The following IFT88 variants were observed in gnomAD, a reference collection of about 807,000 sequenced individuals.
IFT88 encodes intraflagellar transport 88, also known as intraflagellar transport protein 88 homolog.
In IFT88, 74 loss-of-function variants were observed where a neutral mutation model predicts 119.5. That is an observed-to-expected ratio of 0.62 (90% confidence interval 0.51 to 0.75). The LOEUF (loss-of-function observed/expected upper bound fraction) is 0.75, where lower values mean the gene tolerates loss of function less well. Ranked by LOEUF, IFT88 falls within the 30% of genes least tolerant of loss-of-function variation. IFT88 has a pLI of 0.00. For synonymous variants in IFT88, 279 were observed against 316.7 expected (o/e 0.88, Z 1.26); for missense variants, 961 against 977.7 (o/e 0.98, Z 0.23).
intron 2 of IFT88, among the ~76,000 whole-genome samples, chr13:20,578,034 C>CTTTT (rs57202566): frequency 2.1e-4 from 12 of 55,872 alleles, no homozygotes; most frequent in African/African-American, 2.6e-4. Context: ...CTTGTTACTT[C>CTTTT]TTTTTTTTTT....
intron 14 of IFT88, among the ~76,000 whole-genome samples, chr13:20,621,143 G>A (rs532067209): frequency 6.6e-6 from 1 of 152,118 alleles, no homozygotes; most frequent in Non-Finnish European, 1.5e-5. Context: ...TCTGCTCACC[G>A]CAACCTCCAC....
chr13:20,592,394 A>G lies in IFT88; in HGVS notation c.388A>G (p.Lys130Glu), dbSNP rs767205880. Residue 130 changes from lysine to glutamate, a missense_variant, in exon 7 of 26, where the codon AAA becomes GAA. Lys to Glu is a moderately conservative substitution (Grantham distance 56, BLOSUM62 1). Coordinates refer to ENST00000351808, the MANE Select transcript of IFT88 (RefSeq NM_006531.5). ...RGPASPLEAK[K>E]KDSPEEKIKQ... ...CCCTGCTTCCCCTTTGGAAGCCAAGAAAAAAGATAGGTATGTAAGTCCTTA... is the reference window on the plus strand; with the variant it reads ...CCCTGCTTCCCCTTTGGAAGCCAAGGAAAAAGATAGGTATGTAAGTCCTTA... The G allele has an allele frequency of 6.2e-7, 1 of 1,609,228 alleles. No individual in the cohort carries two copies. Among genetic ancestry groups the G allele is most frequent in the South Asian group, 1.1e-5 (1 of 90,390 alleles).
chr13:20,665,939 G>A (rs1270631729), intron 23 of IFT88, among the ~76,000 whole-genome samples: 1 of 152,224 alleles, frequency 6.6e-6, no homozygotes, highest in African/African-American at 2.4e-5. Context: ...CTGAGGACAG[G>A]AAGTTAAGGC....
chr13:20,569,943 G>A (rs1176336844), intron 1 of IFT88, among the ~76,000 whole-genome samples: 1 of 151,930 alleles, frequency 6.6e-6, no homozygotes, highest in Non-Finnish European at 1.5e-5. Context: ...TACTCGAGAG[G>A]CTGAGGCAGG....
intron 24 of IFT88, among the ~76,000 whole-genome samples, chr13:20,683,719 T>G (rs2057577853): frequency 6.6e-6 from 1 of 152,172 alleles, no homozygotes; most frequent in African/African-American, 2.4e-5. Context: ...GGTAGGACAT[T>G]TATCAGTAAT....
intron 23 of IFT88, among the ~76,000 whole-genome samples, chr13:20,669,831 A>C (rs1456711268): frequency 2.0e-5 from 3 of 152,156 alleles, no homozygotes; most frequent in Non-Finnish European, 4.4e-5. Context: ...TTAAATTCTT[A>C]CTTTGCTACA....
intron 14 of IFT88, among the ~76,000 whole-genome samples, chr13:20,623,806 CG>C (rs2139899976): frequency 6.6e-6 from 1 of 152,276 alleles, no homozygotes; most frequent in South Asian, 2.1e-4. Flanking sequence ...AAATTTCTCT[CG>C]GCAATGTTTT....
At chr13:20,665,704 A>G (rs1284538186) in intron 23 of IFT88, among the ~76,000 whole-genome samples, 1 of 152,252 alleles carries the variant, frequency 6.6e-6, no homozygotes, top group East Asian at 1.9e-4. Context: ...TGTTTCGCTC[A>G]GAAAACATTG....
At chr13:20,622,620 A>G (rs2046719207) in intron 14 of IFT88, among the ~76,000 whole-genome samples, 1 of 152,182 alleles carries the variant, frequency 6.6e-6, no homozygotes, top group African/African-American at 2.4e-5. Context: ...AGCTATTTGT[A>G]TACCTTATTT....
At chr13:20,656,251 G>T in intron 21 of IFT88, 114 bp from the exon 22 acceptor site, 3 of 376,738 alleles carry the variant, frequency 8.0e-6, no homozygotes, top group Non-Finnish European at 1.5e-5. Flanking sequence ...TATAAAACAT[G>T]AAACCTTTCT....
intron 23 of IFT88, among the ~76,000 whole-genome samples, 181 bp downstream of exon 23, chr13:20,663,785 A>T (rs2054199285): frequency 6.6e-6 from 1 of 152,246 alleles, no homozygotes; most frequent in Non-Finnish European, 1.5e-5. Flanking sequence ...GCAAAAGTGG[A>T]TTCCCAGGGA....
intron 24 of IFT88, among the ~76,000 whole-genome samples, chr13:20,671,483 T>C (rs2055849691): frequency 1.3e-5 from 2 of 152,334 alleles, no homozygotes; most frequent in Admixed American, 6.5e-5. Flanking sequence ...TTAGGAGACA[T>C]AGTGTGAGTC....
At chr13:20,664,763 T>G (rs2054367803) in intron 23 of IFT88, among the ~76,000 whole-genome samples, 1 of 151,886 alleles carries the variant, frequency 6.6e-6, no homozygotes, top group African/African-American at 2.4e-5. Flanking sequence ...AAAGGTAAAC[T>G]ATTAAGAAGA....
At chr13:20,639,279 C>G (rs1292112465) in intron 17 of IFT88, among the ~76,000 whole-genome samples, 1 of 152,044 alleles carries the variant, frequency 6.6e-6, no homozygotes, top group Admixed American at 6.6e-5. Context: ...GGGCTGTCTC[C>G]TGGTATTCAG....
At chr13:20,579,390 CT>C (rs1416692249) in intron 2 of IFT88, among the ~76,000 whole-genome samples, 1 of 152,186 alleles carries the variant, frequency 6.6e-6, no homozygotes, top group Non-Finnish European at 1.5e-5. Context: ...TCTTTCCACC[CT>C]TTTCCCCAGG....
At chr13:20,591,422 C>T (rs2040654557) in intron 5 of IFT88, among the ~76,000 whole-genome samples, 196 bp from the exon 6 acceptor site, 2 of 152,046 alleles carry the variant, frequency 1.3e-5, no homozygotes, top group African/African-American at 4.8e-5. Flanking sequence ...AGCCCAATTA[C>T]ATCAAAGAAT....
At chr13:20,615,353 A>G (rs572060530) in intron 13 of IFT88, among the ~76,000 whole-genome samples, 3 of 152,326 alleles carry the variant, frequency 2.0e-5, no homozygotes, top group East Asian at 3.9e-4. Context: ...ACATATACAT[A>G]TACACACACG....
chr13:20,626,234 G>T (rs1442861409), intron 15 of IFT88, among the ~76,000 whole-genome samples: 1 of 151,262 alleles, frequency 6.6e-6, no homozygotes, highest in African/African-American at 2.4e-5. Flanking sequence ...ATAATTTTTT[G>T]TATTTTTAAT....
At chr13:20,655,172 G>A (rs1458896479) in intron 21 of IFT88, among the ~76,000 whole-genome samples, 2 of 152,106 alleles carry the variant, frequency 1.3e-5, no homozygotes, top group East Asian at 1.9e-4. Flanking sequence ...AGTGGCTCAC[G>A]CCTGTAATTC....
Sources: allele counts gnomAD v4.1 joint callset (sites outside exome capture counted in the v4.1 genomes callset), GRCh38; gene constraint gnomAD v4.1.1; transcripts MANE v1.5; gene names NCBI Gene and HGNC (gene_info 2026-07-23, HGNC 2026-07-21).